Variants in ZNF609 observed in about 807,000 individuals in gnomAD.
ZNF609 encodes the protein zinc finger protein 609.
ZNF609 carries 11 observed loss-of-function variants against 109.5 expected under a neutral mutation model. The ratio of observed to expected loss-of-function variants is 0.10; its 90% CI spans 0.06 to 0.17. The LOEUF (loss-of-function observed/expected upper bound fraction) is 0.17, where lower values mean the gene tolerates loss of function less well. Among genes scored for constraint, ZNF609 ranks in the 10% least tolerant of loss-of-function variants. The probability of loss-of-function intolerance (pLI) is 1.00; values close to 1 mark genes in which losing one functional copy is unlikely to be tolerated. For missense variants in ZNF609, 1,559 were observed against 1,772.4 expected, an observed-to-expected ratio of 0.88 and a Z score of 2.16; for synonymous variants, 646 against 662.0, an observed-to-expected ratio of 0.98 and a Z score of 0.37.
chr15:64,679,931 A>G (rs1301706950), intron 6 of ZNF609, among the ~76,000 whole-genome samples: 1 of 152,232 alleles, frequency 6.6e-6, no homozygotes, highest in African/African-American at 2.4e-5. Context: ...ATCTGAGACC[A>G]GTTCAAAGAA....
intron 2 of ZNF609, among the ~76,000 whole-genome samples, chr15:64,542,174 A>C (rs1894276780): frequency 6.6e-6 from 1 of 152,114 alleles, no homozygotes. Flanking sequence ...TGAACCTAAA[A>C]CCTACTCCCC....
intron 3 of ZNF609, among the ~76,000 whole-genome samples, chr15:64,640,289 T>G (rs1168851392): frequency 6.6e-6 from 1 of 152,200 alleles, no homozygotes; most frequent in Non-Finnish European, 1.5e-5. Context: ...CCTCCCATCT[T>G]GGCCTCCCAA....
chr15:64,653,805 G>T (rs960498260), intron 3 of ZNF609, among the ~76,000 whole-genome samples: 1 of 152,084 alleles, frequency 6.6e-6, no homozygotes, highest in Admixed American at 6.5e-5. Flanking sequence ...TGCGTTATCT[G>T]TTATTTTAAT....
chr15:64,552,899 TGCCTCCCCAGAGTGCTGGGATTACA>T (rs780753311), intron 2 of ZNF609, among the ~76,000 whole-genome samples: 93 of 152,160 alleles, frequency 6.1e-4, no homozygotes, highest in Non-Finnish European at 1.1e-3. Context: ...CTCCCACCTC[TGCCTCCCCAGAGTGCTGGGATTACA>T]GGGCATAAGG....
intron 2 of ZNF609, among the ~76,000 whole-genome samples, chr15:64,575,512 T>C (rs1894936689): frequency 6.6e-6 from 1 of 152,194 alleles, no homozygotes; most frequent in Non-Finnish European, 1.5e-5. Context: ...AATAATAATC[T>C]TTTGGACACA....
chr15:64,511,189 G>A (rs489138), intron 2 of ZNF609, among the ~76,000 whole-genome samples: 127,957 of 151,798 alleles, frequency 0.84, 55,922 homozygotes, highest in East Asian at 0.96. Context: ...GGAGGTATAG[G>A]GGCCAGGCTC....
At position 64,544,830 on chromosome 15, in the gene ZNF609, G is replaced by A. The variant is rs1894328867; in HGVS notation, c.747+44664G>A. On this transcript the variant is annotated intron_variant, in intron 2 of 9. Transcript: ENST00000326648. ...GGGCAGGTACATTGATTGTTAAAGG[G>A]CGTTTGGTTTTCAGTCTCTGGATTC... Among the ~76,000 whole-genome samples, 3 of 152,298 alleles carry A rather than the reference G, an allele frequency of 2.0e-5. No individual in the cohort carries two copies. The South Asian group carries it at 6.2e-4, about 32-fold the overall frequency.
intron 3 of ZNF609, among the ~76,000 whole-genome samples, chr15:64,667,559 A>G (rs1896667938): frequency 6.6e-6 from 1 of 152,002 alleles, no homozygotes; most frequent in Non-Finnish European, 1.5e-5. Flanking sequence ...AAAAAAATAC[A>G]AAATTAGCCC....
chr15:64,559,732 A>G (rs1894646885), intron 2 of ZNF609, among the ~76,000 whole-genome samples: 1 of 152,202 alleles, frequency 6.6e-6, no homozygotes, highest in African/African-American at 2.4e-5. Flanking sequence ...TCTAGCACTG[A>G]GTGGTCGCTC....
intron 2 of ZNF609, among the ~76,000 whole-genome samples, chr15:64,594,253 T>C (rs1895351854): frequency 6.6e-6 from 1 of 152,146 alleles, no homozygotes; most frequent in South Asian, 2.1e-4. Context: ...AAACTACATA[T>C]GCACTATGTT....
chr15:64,615,868 CT>C (rs1311971475), intron 2 of ZNF609, among the ~76,000 whole-genome samples: 1 of 152,182 alleles, frequency 6.6e-6, no homozygotes, highest in Non-Finnish European at 1.5e-5. Flanking sequence ...CCCCAACTAC[CT>C]TTTTATTTTT....
chr15:64,588,346 T>C (rs1895233418), intron 2 of ZNF609, among the ~76,000 whole-genome samples: 1 of 138,730 alleles, frequency 7.2e-6, no homozygotes, highest in South Asian at 2.5e-4. Flanking sequence ...GAGAATGGCA[T>C]GAACCCAGGA....
In ZNF609 at chr15:64,469,955, C is replaced by G. The variant is rs138726703; in HGVS notation, c.-128+9117C>G. 3.3e-3 allele frequency among the ~76,000 whole-genome samples: 496 copies of G among 152,252 alleles called. 4 individuals carry two copies. The highest frequency in any genetic ancestry group is 0.011 in the African/African-American group (467 of 41,552). On this transcript the variant is annotated intron_variant, in intron 1 of 9. Coordinates refer to ENST00000326648, the MANE Select transcript of ZNF609 (RefSeq NM_015042.2). ...TCTAATAATCTATTATATCTGAAAT[C>G]TGGGAGCTAAATTGGACTGATTATG... is the stretch of plus-strand genomic sequence containing the variant.
At position 64,662,419 on chromosome 15, in the gene ZNF609, G is replaced by A. The variant is rs982978490; in HGVS notation, c.974-7927G>A. Reference sequence around the variant, plus strand: ...CAACTCATTACAGCCTAGATCTCCCGGGCTCAAGTGATCCCCCCATGTCAG... The same window carrying A: ...CAACTCATTACAGCCTAGATCTCCCAGGCTCAAGTGATCCCCCCATGTCAG... On this transcript the variant is annotated intron_variant, in intron 3 of 9. Transcript: ENST00000326648. Among the ~76,000 whole-genome samples the A allele has an allele frequency of 6.6e-5, 10 of 151,916 alleles. No individual in the cohort carries two copies. In the East Asian group the frequency reaches 9.6e-4, roughly 15 times the overall value.
At chr15:64,610,321 G>A (rs1234705226) in intron 2 of ZNF609, among the ~76,000 whole-genome samples, 2 of 152,140 alleles carry the variant, frequency 1.3e-5, no homozygotes, top group Non-Finnish European at 2.9e-5. Context: ...CAAACAGAGT[G>A]GAGTAGAAAA....
intron 2 of ZNF609, among the ~76,000 whole-genome samples, chr15:64,607,697 G>T (rs1895626211): frequency 6.6e-6 from 1 of 151,492 alleles, no homozygotes. Flanking sequence ...TACTGACGGG[G>T]TCTCACCATG....
intron 2 of ZNF609, among the ~76,000 whole-genome samples, chr15:64,510,940 T>G (rs748299907): frequency 1.3e-5 from 2 of 152,060 alleles, no homozygotes; most frequent in Admixed American, 1.3e-4. Context: ...TTTTTTATTT[T>G]TATATTTATC....
At chr15:64,507,654 G>T (rs986416744) in intron 2 of ZNF609, among the ~76,000 whole-genome samples, 1 of 152,144 alleles carries the variant, frequency 6.6e-6, no homozygotes, top group Non-Finnish European at 1.5e-5. Context: ...AAAACCATGG[G>T]GTTAGGCTTT....
At chr15:64,528,160 C>T (rs1364537228) in intron 2 of ZNF609, among the ~76,000 whole-genome samples, 3 of 151,028 alleles carry the variant, frequency 2.0e-5, no homozygotes, top group African/African-American at 4.9e-5. Context: ...TGCAGTGACG[C>T]GATCTCGGCT....
Sources: gnomAD v4.1 joint callset for allele counts (sites outside exome capture counted in the v4.1 genomes callset) on GRCh38, gnomAD v4.1.1 for gene constraint, MANE v1.5 for transcripts, NCBI Gene and HGNC (gene_info 2026-07-23, HGNC 2026-07-21) for gene names.